Variants in DDX60 observed in about 807,000 individuals in gnomAD.
DDX60 encodes DExD/H-box helicase 60.
Under a neutral mutation model 212.8 loss-of-function variants are expected in DDX60, and 165 were observed. That is an observed-to-expected ratio of 0.78 (90% CI 0.68 to 0.88). The LOEUF is 0.88. Among genes scored for constraint, DDX60 ranks in the 40% least tolerant of loss-of-function variants. The pLI, the probability that DDX60 is intolerant of heterozygous loss-of-function variation, is 0.00. For missense variants in DDX60, 1,905 were observed against 2,003.9 expected (o/e 0.95, Z 0.94); for synonymous variants, 703 against 685.3 (o/e 1.03, Z -0.40).
At chr4:168,230,726 A>C (rs74420605) in intron 33 of DDX60, among the ~76,000 whole-genome samples, 2 of 152,142 alleles carry the variant, frequency 1.3e-5, no homozygotes, top group African/African-American at 4.8e-5. Context: ...AAATGCCTAC[A>C]TCAAAAAGTC....
Position 168,308,132 on chromosome 4 carries a change from T to C in DDX60, c.138A>G (p.Leu46=). 6.2e-7 allele frequency: 1 copy of C among 1,604,142 alleles called. No homozygotes were observed. Among genetic ancestry groups the C allele is most frequent in the Non-Finnish European group, 8.5e-7 (1 of 1,173,980 alleles). ...SEFFLIDGDS[L]LITCICEISF... ...ATATCTCACAGATACATGTGATAAG[T>C]AATGAATCCCCATCAATCAAAAAAA... The change falls in exon 4 of 38, where the codon TTA becomes TTG. Residue 46 remains leucine (L), a synonymous_variant. Transcript: ENST00000393743.
Position 168,252,630 on chromosome 4 carries a change from C to A in DDX60, c.3584G>T (p.Arg1195Ile). ...IIDEKSQKKT[R>I]NVDQSLIHEA... ...ATGTATTAGGCTTTGATCCACATTT[C>A]TGGTTTTTTTCTGGCTCTTTTCATC... The change falls in exon 27 of 38, where the codon AGA becomes ATA. Residue 1195 changes from arginine (R) to isoleucine (I), a missense_variant. By Grantham distance (97) the Arg-to-Ile change is moderately conservative. Coordinates refer to ENST00000393743, the MANE Select transcript of DDX60 (RefSeq NM_017631.6). 1 of 1,611,066 alleles carries A rather than the reference C, an allele frequency of 6.2e-7. No homozygotes were observed. The highest frequency in any genetic ancestry group is 8.5e-7 in the Non-Finnish European group (1 of 1,178,842).
chr4:168,273,216 C>A, intron 18 of DDX60, 63 bp downstream of exon 18: 1 of 1,460,682 alleles, frequency 6.8e-7, no homozygotes, highest in South Asian at 1.4e-5. Context: ...AATTTCTAGT[C>A]AAAGAGACAT....
intron 24 of DDX60, among the ~76,000 whole-genome samples, chr4:168,261,438 C>A (rs539094225): frequency 1.8e-4 from 28 of 151,840 alleles, no homozygotes; most frequent in African/African-American, 6.0e-4. Context: ...TAAGGTATTA[C>A]AACAAAAAAA....
chr4:168,224,294 A>G lies in DDX60; in HGVS notation c.4773T>C (p.Cys1591=), dbSNP rs1219352991. Residue 1591 remains cysteine, a synonymous_variant, in exon 35 of 38, where the codon TGT becomes TGC. Coordinates refer to ENST00000393743, the MANE Select transcript of DDX60 (RefSeq NM_017631.6). ...EGRVAISPFV[C]LSGNFDDDLL... ...AATCATCATCAAAGTTCCCAGACAG[A>G]CAAACAAATGGTGAAATTGCTACTC... 1 of 1,612,586 alleles carries G rather than the reference A, an allele frequency of 6.2e-7. No homozygotes were observed. The highest frequency in any genetic ancestry group is 1.1e-5 in the South Asian group (1 of 91,038).
At chr4:168,236,069 A>T in intron 33 of DDX60, 183 bp downstream of exon 33, 1 of 481,716 alleles carries the variant, frequency 2.1e-6, no homozygotes, top group Non-Finnish European at 3.5e-6. Flanking sequence ...ACTTTTTGGT[A>T]GATTTACAGA....
chr4:168,274,145 C>G (rs1047571869), intron 16 of DDX60, 62 bp from the exon 17 acceptor site: 2 of 1,598,836 alleles, frequency 1.3e-6, no homozygotes, highest in African/African-American at 1.3e-5. Context: ...AAAACAAAGA[C>G]AGTATTTATA....
chr4:168,227,044 T>C (rs886204551), intron 33 of DDX60, among the ~76,000 whole-genome samples: 7 of 152,036 alleles, frequency 4.6e-5, no homozygotes, highest in African/African-American at 1.7e-4. Flanking sequence ...CAGACTAAAA[T>C]AAAATTTGTA....
intron 14 of DDX60, among the ~76,000 whole-genome samples, chr4:168,280,073 A>C (rs998792479): frequency 1.3e-5 from 2 of 152,168 alleles, no homozygotes; most frequent in Non-Finnish European, 2.9e-5. Flanking sequence ...CAAAGAAATT[A>C]AACTTTATCA....
chr4:168,237,921 T>A (rs12506919), intron 30 of DDX60, 126 bp from the exon 31 acceptor site: 12,278 of 646,244 alleles, frequency 0.019, 822 homozygotes, highest in East Asian at 0.18. Flanking sequence ...TCAGAAAAAA[T>A]TTGATTTCAT....
chr4:168,230,999 A>C (rs1360259987), intron 33 of DDX60, among the ~76,000 whole-genome samples: 1 of 152,100 alleles, frequency 6.6e-6, no homozygotes, highest in Non-Finnish European at 1.5e-5. Context: ...TTTCATCCAA[A>C]GAAATGAAAC....
At chr4:168,309,462 A>G (rs976382161) in intron 3 of DDX60, among the ~76,000 whole-genome samples, 7 of 151,176 alleles carry the variant, frequency 4.6e-5, no homozygotes, top group African/African-American at 1.7e-4. Flanking sequence ...GAGTGAAGGC[A>G]TTGTTGCAGC....
In DDX60 at chr4:168,224,382, A is replaced by G; in HGVS notation, c.4685T>C (p.Phe1562Ser). 6.2e-7 allele frequency: 1 copy of G among 1,611,290 alleles called. No homozygotes were observed. The highest frequency in any genetic ancestry group is 1.1e-5 in the South Asian group (1 of 90,956). Residue 1562 changes from phenylalanine (F) to serine (S), a missense_variant, in exon 35 of 38, where the codon TTC becomes TCC. Physicochemically the swap from Phe to Ser is radical, Grantham distance 155 (BLOSUM62 -2). Coordinates refer to ENST00000393743, the MANE Select transcript of DDX60 (RefSeq NM_017631.6). ...AGAGTCTTCACATTCTTTACCTGTG[A>G]ATTCTGACAATAATAGTTAGGGATA... ...EYQLPLSKIK[F>S]TGKECEDSQL...
intron 37 of DDX60, among the ~76,000 whole-genome samples, chr4:168,217,840 C>T (rs952785389): frequency 6.6e-6 from 1 of 152,124 alleles, no homozygotes; most frequent in African/African-American, 2.4e-5. Flanking sequence ...CCTTAAGAGC[C>T]TTTACAAAGA....
At chr4:168,224,786 T>A (rs987812374) in intron 34 of DDX60, among the ~76,000 whole-genome samples, 1 of 151,920 alleles carries the variant, frequency 6.6e-6, no homozygotes, top group Non-Finnish European at 1.5e-5. Flanking sequence ...AAGTAGTGCA[T>A]GAGAATAAAT....
In DDX60 at chr4:168,250,099, A is replaced by T. The variant is rs527624845; in HGVS notation, c.3858+855T>A. ...CCTGCGCACTGTCATGGGACACACT[A>T]CACAAAACATAGCAAGACTTCAGTT... On this transcript the variant is annotated intron_variant, in intron 28 of 37. Coordinates refer to ENST00000393743, the MANE Select transcript of DDX60 (RefSeq NM_017631.6). 3.9e-5 allele frequency among the ~76,000 whole-genome samples: 6 copies of T among 152,340 alleles called. No individual in the cohort carries two copies. The South Asian group carries it at 1.2e-3, about 32-fold the overall frequency.
Position 168,285,896 on chromosome 4 carries a change from AAAGGAAGGAAGGAAGGAAGGAAGG to A in DDX60, c.1340-422_1340-399del, listed in dbSNP as rs368802134. ...GGGAAGAAGAAAGGAAGGAGGGAAG[AAAGGAAGGAAGGAAGGAAGGAAGG>A]AAGGAAGGAAGGAAGGAAGGGAGGA... On this transcript the variant is annotated intron_variant, in intron 10 of 37. Coordinates refer to ENST00000393743, the MANE Select transcript of DDX60 (RefSeq NM_017631.6). Among the ~76,000 whole-genome samples, 564 of 114,760 alleles carry A rather than the reference AAAGGAAGGAAGGAAGGAAGGAAGG, an allele frequency of 4.9e-3. 6 individuals are homozygous for A. The highest frequency in any genetic ancestry group is 0.015 in the African/African-American group (436 of 28,382). The allele number at this position is 114,760 out of a possible 152,430, so 75.3% of individuals were successfully genotyped here. A position where few individuals can be genotyped will look rare whatever the true frequency, so the allele number is the denominator to read the frequency against.
chr4:168,311,651 A>G (rs907303002), intron 1 of DDX60, among the ~76,000 whole-genome samples: 3 of 152,200 alleles, frequency 2.0e-5, no homozygotes, highest in Admixed American at 2.0e-4. Context: ...AAAGAGAAAA[A>G]GTAGCATTTC....
chr4:168,220,707 C>T lies in DDX60; in HGVS notation c.4987G>A (p.Gly1663Arg). The change falls in exon 37 of 38, where the codon GGA becomes AGA. Residue 1663 changes from glycine to arginine, a missense_variant. By Grantham distance (125) the Gly-to-Arg change is moderately radical (BLOSUM62 -2). Coordinates refer to ENST00000393743, the MANE Select transcript of DDX60 (RefSeq NM_017631.6). ...TCCTTCAACAAATAATAAGCATCTC[C>T]TTCATTCATCCTAAAGAAAACAACA... The part of the protein sequence containing the change: ...GLVQDNRMNE[G>R]DAYYLLKDFA... 1 of 1,429,120 alleles carries T rather than the reference C, an allele frequency of 7.0e-7. No individual in the cohort carries two copies. Among genetic ancestry groups the T allele is most frequent in the Non-Finnish European group, 9.2e-7 (1 of 1,084,660 alleles). The allele number at this position is 1,429,120 out of a possible 1,614,324, so 88.5% of individuals were successfully genotyped here.
Sources: gnomAD v4.1 joint callset for allele counts (sites outside exome capture counted in the v4.1 genomes callset) on GRCh38, gnomAD v4.1.1 for gene constraint, MANE v1.5 for transcripts, NCBI Gene and HGNC (gene_info 2026-07-23, HGNC 2026-07-21) for gene names.